Variants in AMPD1 observed in about 807,000 individuals in gnomAD.
The protein encoded by AMPD1 is adenosine monophosphate deaminase 1.
A neutral mutation model predicts 82.9 loss-of-function variants in AMPD1; 74 were observed. That is an observed-to-expected ratio of 0.89 (90% confidence interval 0.74 to 1.08). The LOEUF (loss-of-function observed/expected upper bound fraction) is 1.08, where lower values mean the gene tolerates loss of function less well. Among genes scored for constraint, AMPD1 ranks in the 50% least tolerant of loss-of-function variants. The pLI, the probability that AMPD1 is intolerant of heterozygous loss-of-function variation, is 0.00. For synonymous variants in AMPD1, 333 were observed against 320.5 expected, an observed-to-expected ratio of 1.04 and a Z score of -0.42; for missense variants, 881 against 924.5, an observed-to-expected ratio of 0.95 and a Z score of 0.61.
At chr1:114,674,894 T>G in intron 12 of AMPD1, 22 bp from the exon 13 acceptor site, 1 of 1,614,090 alleles carries the variant, frequency 6.2e-7, no homozygotes, top group South Asian at 1.1e-5. Context: ...GAACTGCTAT[T>G]GGAATCGCAG....
At chr1:114,691,130 A>G (rs1658503268) in intron 2 of AMPD1, among the ~76,000 whole-genome samples, 1 of 152,226 alleles carries the variant, frequency 6.6e-6, no homozygotes, top group African/African-American at 2.4e-5. Flanking sequence ...ACTCTTAAGA[A>G]GCAGCTTACA....
intron 5 of AMPD1, 143 bp downstream of exon 5, chr1:114,684,056 A>C: frequency 1.2e-6 from 1 of 828,930 alleles, no homozygotes; most frequent in Non-Finnish European, 1.9e-6. Context: ...AAGTGATTGG[A>C]CACGTGAGGA....
chr1:114,680,264 T>C lies in AMPD1; in HGVS notation c.762A>G (p.Gly254=), dbSNP rs761480461. The C allele has an allele frequency of 3.1e-6, 5 of 1,613,516 alleles. No individual in the cohort carries two copies. The highest frequency in any genetic ancestry group is 4.2e-6 in the Non-Finnish European group (5 of 1,179,962). ...AGGTCTCACTAAACACTTACACAGG[T>C]CCTTGAGCAATTAAAGCAAGTAAAA... ...MNFLLALIAQ[G]PVKTYTHRRL... is the part of the protein sequence containing the mutation. The change falls in exon 6 of 16, where the codon GGA becomes GGG. Residue 254 remains glycine (G), a synonymous_variant. Coordinates refer to ENST00000520113, the MANE Select transcript of AMPD1 (RefSeq NM_000036.3).
chr1:114,680,115 A>C, intron 6 of AMPD1, 144 bp downstream of exon 6: 2 of 800,374 alleles, frequency 2.5e-6, no homozygotes, highest in Admixed American at 4.0e-5. Context: ...AAAAGGAACA[A>C]TGTGCATGAA....
intron 4 of AMPD1, among the ~76,000 whole-genome samples, chr1:114,686,180 A>G (rs1260504380): frequency 1.3e-5 from 2 of 152,114 alleles, no homozygotes; most frequent in Non-Finnish European, 2.9e-5. Flanking sequence ...ATGAAATTGG[A>G]GAGTTCAGGT....
Position 114,677,475 on chromosome 1 carries a change from C to G in AMPD1, c.1264G>C (p.Ala422Pro). ...CCATAGATGGACAGGCGGGGCTCAG[C>G]ATGCTGGTACTTGGCCTCCACCAGG... ...ADLVEAKYQHAEPRLSIYGRS... is the reference protein window; with the variant it reads ...ADLVEAKYQHPEPRLSIYGRS... The change falls in exon 10 of 16, where the codon GCT becomes CCT. Residue 422 changes from alanine (A) to proline (P), a missense_variant. Ala to Pro is a conservative substitution (Grantham distance 27). This residue lies in a region of AMPD1 where 783 missense variants were observed against 786.4 expected (regional missense o/e 1.00). Transcript: ENST00000520113. 1 of 1,613,394 alleles carries G rather than the reference C, an allele frequency of 6.2e-7. No individual in the cohort carries two copies. The highest frequency in any genetic ancestry group is 1.3e-5 in the African/African-American group (1 of 74,730).
intron 7 of AMPD1, among the ~76,000 whole-genome samples, chr1:114,679,226 TC>T (rs1457112624): frequency 6.6e-6 from 1 of 152,170 alleles, no homozygotes; most frequent in African/African-American, 2.4e-5. Context: ...AAATATGTCA[TC>T]CCTTCCTCCA....
chr1:114,691,716 A>G lies in AMPD1; in HGVS notation c.34+1720T>C, dbSNP rs141292486. 3.0e-4 allele frequency among the ~76,000 whole-genome samples: 46 copies of G among 152,324 alleles called. No individual in the cohort carries two copies. The East Asian group carries it at 8.7e-3, about 29-fold the overall frequency. ...TGAGGTGGGCGGATCACCTGAGGTC[A>G]GAAGTTTGAGACCAGCCTGGCCAAC... On this transcript the variant is annotated intron_variant, in intron 2 of 15. Transcript: ENST00000520113.
At chr1:114,680,557 T>A in intron 5 of AMPD1, 79 bp from the exon 6 acceptor site, 1 of 1,172,634 alleles carries the variant, frequency 8.5e-7, no homozygotes, top group Non-Finnish European at 1.3e-6. Context: ...TGTGAAATAC[T>A]ACAACATCTC....
chr1:114,682,480 G>T (rs1387604078), intron 5 of AMPD1, among the ~76,000 whole-genome samples: 4 of 152,038 alleles, frequency 2.6e-5, no homozygotes, highest in Admixed American at 2.0e-4. Context: ...TTACCAAACT[G>T]GAGACATGTT....
intron 3 of AMPD1, among the ~76,000 whole-genome samples, chr1:114,688,116 G>A (rs1031912497): frequency 1.3e-5 from 2 of 151,930 alleles, no homozygotes; most frequent in Non-Finnish European, 2.9e-5. Context: ...AGCATATACA[G>A]TGTTGGGGGG....
At chr1:114,692,753 ATTT>A (rs10611520) in intron 2 of AMPD1, among the ~76,000 whole-genome samples, 459 of 140,982 alleles carry the variant, frequency 3.3e-3, no homozygotes, top group African/African-American at 7.5e-3. Flanking sequence ...ATGAACAACA[ATTT>A]TTTTTTTTTT....
chr1:114,687,577 G>C (rs777347239), intron 3 of AMPD1, among the ~76,000 whole-genome samples: 1 of 152,132 alleles, frequency 6.6e-6, no homozygotes, highest in Non-Finnish European at 1.5e-5. Context: ...AAGCTGGTGG[G>C]ATGGGGGGAG....
intron 13 of AMPD1, among the ~76,000 whole-genome samples, chr1:114,674,451 A>C (rs1657922965): frequency 6.6e-6 from 1 of 152,210 alleles, no homozygotes; most frequent in African/African-American, 2.4e-5. Context: ...TATAACAAGA[A>C]ATCTGGCAAA....
chr1:114,693,164 A>ATAAATAAGTAAG lies in AMPD1; in HGVS notation c.34+271_34+272insCTTACTTATTTA, dbSNP rs1553242463. 1.9e-3 allele frequency among the ~76,000 whole-genome samples: 267 copies of ATAAATAAGTAAG among 138,970 alleles called. 2 individuals carry two copies. The highest frequency in any genetic ancestry group is 6.4e-3 in the African/African-American group (245 of 38,130). The allele number at this position is 138,970 out of a possible 152,430, so 91.2% of individuals were successfully genotyped here. ...AATAAATAAATAAATAAATAAATAA[A>ATAAATAAGTAAG]TAAGTAAAAGCACTGCATGAGGTTT... On this transcript the variant is annotated intron_variant, in intron 2 of 15. Transcript: ENST00000520113.
In AMPD1 at chr1:114,678,428, T is replaced by A. The variant is rs766318137; in HGVS notation, c.997A>T (p.Ser333Cys). Residue 333 changes from serine to cysteine, a missense_variant, in exon 8 of 16, where the codon AGC (serine) becomes TGC (cysteine). Ser to Cys is a moderately radical substitution (Grantham distance 112). This residue lies in a region of AMPD1 where 783 missense variants were observed against 786.4 expected (regional missense o/e 1.00). Transcript: ENST00000520113. The part of the protein sequence containing the change: ...YQIDADRVVY[S>C]TKEKNLTLKE... ...AGGGTCAGATTCTTCTCTTTGGTGCTATAGACCACTCTGTCAGCATCAATT... is the reference window on the plus strand; with the variant it reads ...AGGGTCAGATTCTTCTCTTTGGTGCAATAGACCACTCTGTCAGCATCAATT... 1 of 1,614,050 alleles carries A rather than the reference T, an allele frequency of 6.2e-7. No individual in the cohort carries two copies. Among genetic ancestry groups the A allele is most frequent in the East Asian group, 2.2e-5 (1 of 44,896 alleles).
At chr1:114,689,570 G>A (rs758561060) in intron 2 of AMPD1, among the ~76,000 whole-genome samples, 2 of 152,146 alleles carry the variant, frequency 1.3e-5, no homozygotes, top group South Asian at 2.1e-4. Context: ...TGATCCCAGC[G>A]CTTTGGGAGG....
chr1:114,678,611 C>CT, intron 7 of AMPD1, 84 bp from the exon 8 acceptor site: 1 of 1,275,044 alleles, frequency 7.8e-7, no homozygotes, highest in Non-Finnish European at 1.1e-6. Flanking sequence ...GCTGCAAATC[C>CT]CACTGCGTTG....
Position 114,677,899 on chromosome 1 carries a change from T to A in AMPD1, c.1224+11A>T. 6.2e-7 allele frequency: 1 copy of A among 1,612,454 alleles called. No homozygotes were observed. Among genetic ancestry groups the A allele is most frequent in the Non-Finnish European group, 8.5e-7 (1 of 1,179,340 alleles). On this transcript the variant is annotated intron_variant, in intron 9 of 15. Transcript: ENST00000520113. ...TGCCAGATACCATAGATGTGATTGG[T>A]TCCGCCTCACCTTGATGATAGTGGC...
Sources: allele counts gnomAD v4.1 joint callset (sites outside exome capture counted in the v4.1 genomes callset), GRCh38; gene constraint gnomAD v4.1.1; regional missense constraint gnomAD v4.1.1; transcripts MANE v1.5; gene names NCBI Gene and HGNC (gene_info 2026-07-23, HGNC 2026-07-21).